PGPEP1L: variants seen among roughly 807,000 people sequenced by gnomAD.
PGPEP1L encodes pyroglutamyl-peptidase I like.
A neutral mutation model predicts 6.0 loss-of-function variants in PGPEP1L; 7 were observed. The ratio of observed to expected loss-of-function variants is 1.17; its 90% CI spans 0.66 to 2.19. PGPEP1L has a LOEUF of 2.19. PGPEP1L is among the 30% of genes most tolerant of loss of function. The pLI is 0.00. For synonymous variants in PGPEP1L, 103 were observed against 83.9 expected, an observed-to-expected ratio of 1.23 and a Z score of -1.24; for missense variants, 209 against 192.5, an observed-to-expected ratio of 1.09 and a Z score of -0.51.
At chr15:98,983,192 T>A (rs1012985998) in intron 2 of PGPEP1L, among the ~76,000 whole-genome samples, 5 of 151,400 alleles carry the variant, frequency 3.3e-5, no homozygotes, top group African/African-American at 1.2e-4. Context: ...GAGAAACAAT[T>A]TTCTTTCACT....
rs1567236403 is a variant in PGPEP1L at position 98,978,728 on chromosome 15, T to TA, written c.-141-7571_-141-7570insT. Among the ~76,000 whole-genome samples, 379 of 25,284 alleles carry TA rather than the reference T, an allele frequency of 0.015. 1 individual carries two copies. In the East Asian group the frequency reaches 0.19, roughly 13 times the overall value. 16.6% of individuals were successfully genotyped at this position (25,284 alleles called of 152,430 possible). On this transcript the variant is annotated intron_variant, in intron 2 of 4. Transcript: ENST00000535714. The stretch of plus-strand genomic sequence containing the variant: ...TGTGTATATATATATATATATATAT[T>TA]TTTTTTTTTTTTTTTTTTTTGAGGC...
Position 99,006,259 on chromosome 15 carries a change from G to A in PGPEP1L, c.-369-603C>T, listed in dbSNP as rs1596532139. ...AGCTTCATCAGCCCTGAGGAACAGA[G>A]GCTTGCCACCTAGCTAGCGTCTGTG... On this transcript the variant is annotated intron_variant, in intron 1 of 4. Coordinates refer to ENST00000535714, the MANE Select transcript of PGPEP1L (RefSeq NM_001167902.2). 3.3e-5 allele frequency among the ~76,000 whole-genome samples: 5 copies of A among 152,170 alleles called. No homozygotes were observed. The South Asian group carries it at 1.0e-3, about 32-fold the overall frequency.
intron 2 of PGPEP1L, among the ~76,000 whole-genome samples, chr15:98,981,761 T>C (rs997263194): frequency 6.6e-6 from 1 of 152,162 alleles, no homozygotes; most frequent in Non-Finnish European, 1.5e-5. Flanking sequence ...ATGGGAAGAA[T>C]TGAGGAATAT....
intron 2 of PGPEP1L, among the ~76,000 whole-genome samples, chr15:98,979,673 C>G (rs957686821): frequency 1.9e-5 from 2 of 104,182 alleles, no homozygotes; most frequent in African/African-American, 7.8e-5. Context: ...TTTTTGGAGA[C>G]AGAGTCTCAC....
intron 2 of PGPEP1L, among the ~76,000 whole-genome samples, chr15:98,976,163 G>A (rs2017566908): frequency 6.6e-6 from 1 of 152,148 alleles, no homozygotes; most frequent in Non-Finnish European, 1.5e-5. Flanking sequence ...GTACAACAAT[G>A]TGAATGTACT....
At chr15:98,968,796 A>G (rs1289741761) in intron 4 of PGPEP1L, 99 bp from the exon 5 acceptor site, 2 of 1,103,308 alleles carry the variant, frequency 1.8e-6, no homozygotes, top group Admixed American at 2.0e-5. Context: ...AAGCCTGAGG[A>G]GGGAGCACTG....
intron 2 of PGPEP1L, among the ~76,000 whole-genome samples, chr15:98,982,207 C>G (rs553368834): frequency 2.6e-5 from 4 of 152,334 alleles, no homozygotes; most frequent in South Asian, 2.1e-4. Context: ...ACCGTGGGGT[C>G]TCCTCCACCA....
At chr15:98,984,898 A>G (rs1432075616) in intron 2 of PGPEP1L, among the ~76,000 whole-genome samples, 1 of 152,074 alleles carries the variant, frequency 6.6e-6, no homozygotes, top group African/African-American at 2.4e-5. Context: ...GACAAACTCG[A>G]CTGGCAGAGG....
At chr15:98,973,943 A>G (rs1450184737) in intron 2 of PGPEP1L, among the ~76,000 whole-genome samples, 1 of 152,242 alleles carries the variant, frequency 6.6e-6, no homozygotes, top group African/African-American at 2.4e-5. Context: ...AGAATCAACA[A>G]GCCTTTAGCT....
chr15:99,003,426 C>T (rs1368892114), intron 2 of PGPEP1L, among the ~76,000 whole-genome samples: 1 of 150,438 alleles, frequency 6.6e-6, no homozygotes, highest in Non-Finnish European at 1.5e-5. Flanking sequence ...CTTGGTCAGC[C>T]CCCAGTGCAA....
intron 2 of PGPEP1L, among the ~76,000 whole-genome samples, chr15:99,002,653 ATAAAAAGTTT>A (rs2017990421): frequency 6.6e-6 from 1 of 151,388 alleles, no homozygotes; most frequent in Non-Finnish European, 1.5e-5. Context: ...TTATTTCAAA[ATAAAAAGTTT>A]TAAAAAGTGT....
chr15:98,997,301 G>A (rs1211826944), intron 2 of PGPEP1L, among the ~76,000 whole-genome samples: 1 of 152,180 alleles, frequency 6.6e-6, no homozygotes, highest in African/African-American at 2.4e-5. Context: ...TTCCTTGACT[G>A]CATCTGTACT....
intron 3 of PGPEP1L, 45 bp from the exon 4 acceptor site, chr15:98,969,696 C>T: frequency 1.9e-6 from 3 of 1,584,794 alleles, no homozygotes; most frequent in Non-Finnish European, 2.6e-6. Flanking sequence ...AAAACGAGGC[C>T]CACCCTGCTC....
chr15:98,976,236 G>A (rs936274888), intron 2 of PGPEP1L, among the ~76,000 whole-genome samples: 4 of 152,112 alleles, frequency 2.6e-5, no homozygotes, highest in Non-Finnish European at 4.4e-5. Flanking sequence ...ATACATCAAT[G>A]TTATACATAT....
chr15:98,994,658 C>T (rs78284105), intron 2 of PGPEP1L, among the ~76,000 whole-genome samples: 2,098 of 152,254 alleles, frequency 0.014, 60 homozygotes, highest in African/African-American at 0.048. Flanking sequence ...ATTTTGCCTG[C>T]GGGCTCACTA....
rs558374722 is a variant in PGPEP1L at position 98,974,914 on chromosome 15, A to G, written c.-141-3756T>C. On this transcript the variant is annotated intron_variant, in intron 2 of 4. Transcript: ENST00000535714. ...CTCCACCTCAAACAAAAACAACAAC[A>G]ACGACAACAACTAAAAAGAGATATA... Among the ~76,000 whole-genome samples, 365 of 150,888 alleles carry G rather than the reference A, an allele frequency of 2.4e-3. 5 individuals carry two copies. Among genetic ancestry groups the G allele is most frequent in the African/African-American group, 7.6e-3 (311 of 40,846 alleles).
rs57923635 is a variant in PGPEP1L at position 98,987,165 on chromosome 15, C to CAAAAAAAAAAAAA, written c.-141-16020_-141-16008dup. ...TGGGTGACAGAGTGAGACTCCATCT[C>CAAAAAAAAAAAAA]AAAAAAAAAAAAAAAAAAAAAAAAA... On this transcript the variant is annotated intron_variant, in intron 2 of 4. Coordinates refer to ENST00000535714, the MANE Select transcript of PGPEP1L (RefSeq NM_001167902.2). Among the ~76,000 whole-genome samples the CAAAAAAAAAAAAA allele has an allele frequency of 1.8e-3, 61 of 33,396 alleles. 3 individuals carry two copies. Among genetic ancestry groups the CAAAAAAAAAAAAA allele is most frequent in the African/African-American group, 5.5e-3 (48 of 8,792 alleles). The allele number at this position is 33,396 out of a possible 152,430, so 21.9% of individuals were successfully genotyped here.
intron 2 of PGPEP1L, among the ~76,000 whole-genome samples, chr15:98,990,066 G>A (rs1346052484): frequency 8.5e-5 from 13 of 152,154 alleles, no homozygotes; most frequent in African/African-American, 3.1e-4. Context: ...TGAAGAAACT[G>A]CATCAACTAA....
intron 2 of PGPEP1L, among the ~76,000 whole-genome samples, chr15:98,973,059 A>T (rs1467403766): frequency 6.6e-6 from 1 of 152,196 alleles, no homozygotes; most frequent in Admixed American, 6.5e-5. Context: ...AGGAGTAGCT[A>T]TACTTATATC....
Sources: allele counts gnomAD v4.1 joint callset (sites outside exome capture counted in the v4.1 genomes callset), GRCh38; gene constraint gnomAD v4.1.1; transcripts MANE v1.5; gene names NCBI Gene and HGNC (gene_info 2026-07-23, HGNC 2026-07-21).